TUBA1C: variants seen among roughly 807,000 people sequenced by gnomAD.
The protein encoded by TUBA1C is tubulin alpha 1c.
In TUBA1C, 16 loss-of-function variants were observed where a neutral mutation model predicts 34.9. That is an observed-to-expected ratio of 0.46 (90% confidence interval 0.31 to 0.70). TUBA1C has a LOEUF of 0.70. Ranked by LOEUF, TUBA1C falls within the 30% of genes least tolerant of loss-of-function variation. The pLI is 0.05. For synonymous variants in TUBA1C, 177 were observed against 215.9 expected (o/e 0.82, Z 1.58); for missense variants, 329 against 587.3 (o/e 0.56, Z 4.55).
chr12:49,257,038 G>A (rs1438143299), intron 1 of TUBA1C, among the ~76,000 whole-genome samples: 7 of 151,754 alleles, frequency 4.6e-5, no homozygotes, highest in East Asian at 1.9e-4. Flanking sequence ...AAATTAGCTC[G>A]GCATGGTGGT....
rs1943003111 is a variant in TUBA1C, at chr12:49,272,352, G to A, written c.475G>A (p.Val159Ile). 6.2e-7 allele frequency: 1 copy of A among 1,613,974 alleles called. No individual in the cohort carries two copies. The highest frequency in any genetic ancestry group is 8.5e-7 in the Non-Finnish European group (1 of 1,180,020). ...CTCGCTGCTCATGGAACGTCTCTCA[G>A]TTGATTATGGCAAGAAGTCCAAGCT... The part of the protein sequence containing the change: ...FTSLLMERLS[V>I]DYGKKSKLEF... Residue 159 changes from valine (V) to isoleucine (I), a missense_variant, in exon 4 of 4, where the codon GTT becomes ATT. Physicochemically the swap from Val to Ile is conservative, Grantham distance 29 (BLOSUM62 3). Transcript: ENST00000301072.
intron 1 of TUBA1C, among the ~76,000 whole-genome samples, chr12:49,239,376 C>A (rs966537439): frequency 6.6e-6 from 1 of 152,116 alleles, no homozygotes; most frequent in Admixed American, 6.6e-5. Context: ...TGGGGTGGCT[C>A]ATACCTATAA....
In TUBA1C at chr12:49,265,204, G is replaced by A. The variant is rs1000224719; in HGVS notation, c.3+20G>A. Reference sequence around the variant, plus strand: ...GTCATGGTGAGTGGGGTTCCCTCGGGGCTGGGGAAGAGTGCGCGTCCCAGG... The same window carrying A: ...GTCATGGTGAGTGGGGTTCCCTCGGAGCTGGGGAAGAGTGCGCGTCCCAGG... On this transcript the variant is annotated intron_variant, in intron 1 of 3. Transcript: ENST00000301072. The A allele has an allele frequency of 6.3e-7, 1 of 1,593,184 alleles. No individual in the cohort carries two copies. Among genetic ancestry groups the A allele is most frequent in the Admixed American group, 1.7e-5 (1 of 59,350 alleles).
chr12:49,236,372 G>A (rs927405010), intron 1 of TUBA1C, among the ~76,000 whole-genome samples: 1 of 152,120 alleles, frequency 6.6e-6, no homozygotes, highest in African/African-American at 2.4e-5. Context: ...CCACCCACCC[G>A]GAAAAATATG....
intron 1 of TUBA1C, among the ~76,000 whole-genome samples, chr12:49,239,068 C>A (rs141309418): frequency 6.6e-6 from 1 of 152,198 alleles, no homozygotes; most frequent in African/African-American, 2.4e-5. Context: ...GTTCCCCTGG[C>A]AACCGGATCC....
intron 1 of TUBA1C, among the ~76,000 whole-genome samples, chr12:49,268,012 A>G (rs1942938237): frequency 6.6e-6 from 1 of 152,174 alleles, no homozygotes. Flanking sequence ...TGGGTTTGGT[A>G]ATTTCTAACC....
chr12:49,248,934 T>C (rs931282629), intron 1 of TUBA1C, among the ~76,000 whole-genome samples: 2 of 151,042 alleles, frequency 1.3e-5, no homozygotes, highest in Non-Finnish European at 2.9e-5. Context: ...TCCCTATGTA[T>C]TTGGAAATAA....
chr12:49,266,260 C>CT (rs1477981038), intron 1 of TUBA1C, among the ~76,000 whole-genome samples: 1 of 82,658 alleles, frequency 1.2e-5, no homozygotes, highest in African/African-American at 4.9e-5. Flanking sequence ...CCCGTCTCTA[C>CT]TAAAAAAAAA....
In TUBA1C at chr12:49,266,261, TAAA is replaced by T. The variant is rs35928737; in HGVS notation, c.3+1094_3+1096del. Among the ~76,000 whole-genome samples, 159 of 79,494 alleles carry T rather than the reference TAAA, an allele frequency of 2.0e-3. 1 individual carries two copies. Among genetic ancestry groups the T allele is most frequent in the African/African-American group, 5.9e-3 (131 of 22,238 alleles). 52.2% of individuals were successfully genotyped at this position (79,494 alleles called of 152,430 possible). On this transcript the variant is annotated intron_variant, in intron 1 of 3. Coordinates refer to ENST00000301072, the MANE Select transcript of TUBA1C (RefSeq NM_032704.5). ...TAACACGGTGAAACCCCGTCTCTACTAAAAAAAAAAAAAAAAAAATTAGCTGGG... is the reference window on the plus strand; with the variant it reads ...TAACACGGTGAAACCCCGTCTCTACTAAAAAAAAAAAAAAAATTAGCTGGG...
chr12:49,263,020 ACT>A (rs1385081496), upstream of TUBA1C, among the ~76,000 whole-genome samples: 77 of 134,284 alleles, frequency 5.7e-4, no homozygotes, highest in Middle Eastern at 3.9e-3. Flanking sequence ...CAAGAGAATT[ACT>A]CTTTTTTTTT....
intron 1 of TUBA1C, among the ~76,000 whole-genome samples, chr12:49,253,151 G>A (rs1032541035): frequency 7.3e-5 from 11 of 151,374 alleles, no homozygotes; most frequent in African/African-American, 1.9e-4. Flanking sequence ...GGGAAATTCC[G>A]GATGACTGCT....
chr12:49,248,645 C>T (rs181433805), intron 1 of TUBA1C, among the ~76,000 whole-genome samples: 8,947 of 151,204 alleles, frequency 0.059, 324 homozygotes, highest in Admixed American at 0.11. Flanking sequence ...GGGCGGATCA[C>T]GAGGTCAGGA....
At chr12:49,266,666 C>T (rs1337235283) in intron 1 of TUBA1C, among the ~76,000 whole-genome samples, 1 of 151,794 alleles carries the variant, frequency 6.6e-6, no homozygotes, top group Non-Finnish European at 1.5e-5. Flanking sequence ...CTGGGCAACA[C>T]GGTGAAACTC....
At chr12:49,270,839 C>G (rs181602576) in intron 3 of TUBA1C, among the ~76,000 whole-genome samples, 1 of 152,064 alleles carries the variant, frequency 6.6e-6, no homozygotes, top group East Asian at 1.9e-4. Flanking sequence ...ATTAGCCGGG[C>G]GTGGTGGTGG....
chr12:49,248,345 G>T (rs1046094372), intron 1 of TUBA1C, among the ~76,000 whole-genome samples: 10 of 152,040 alleles, frequency 6.6e-5, no homozygotes, highest in African/African-American at 2.4e-4. Context: ...TGAGGCTGGT[G>T]GATCACCTGA....
rs1484725665 is a variant in TUBA1C at position 49,269,536 on chromosome 12, C to T, written c.75C>T (p.Cys25=). The T allele has an allele frequency of 1.9e-6, 3 of 1,614,234 alleles. No homozygotes were observed. The highest frequency in any genetic ancestry group is 4.5e-5 in the East Asian group (2 of 44,892). ...QIGNACWELY[C]LEHGIQPDGQ... ...GCAATGCCTGCTGGGAGCTCTACTG[C>T]CTGGAACACGGCATCCAGCCCGATG... Residue 25 remains cysteine, a synonymous_variant, in exon 2 of 4, where the codon TGC becomes TGT. Coordinates refer to ENST00000301072, the MANE Select transcript of TUBA1C (RefSeq NM_032704.5).
At chr12:49,244,257 C>G (rs1565641085) in intron 1 of TUBA1C, among the ~76,000 whole-genome samples, 1 of 152,110 alleles carries the variant, frequency 6.6e-6, no homozygotes, top group African/African-American at 2.4e-5. Flanking sequence ...GGCCTCACCA[C>G]TCACCACAGT....
At chr12:49,243,092 A>C (rs1942633709) in intron 1 of TUBA1C, among the ~76,000 whole-genome samples, 1 of 152,112 alleles carries the variant, frequency 6.6e-6, no homozygotes, top group Admixed American at 6.6e-5. Context: ...ACAGGTGTGA[A>C]CCACCGTGCC....
chr12:49,228,229 G>A, intron 1 of TUBA1C: 2 of 1,443,208 alleles, frequency 1.4e-6, no homozygotes, highest in South Asian at 2.5e-5. Flanking sequence ...ACATGGTACT[G>A]TGTGCATGCA....
Sources: allele counts gnomAD v4.1 joint callset (sites outside exome capture counted in the v4.1 genomes callset), GRCh38; gene constraint gnomAD v4.1.1; transcripts MANE v1.5; gene names NCBI Gene and HGNC (gene_info 2026-07-23, HGNC 2026-07-21).